Variants in NFAT5 observed in about 807,000 individuals in gnomAD.
The protein encoded by NFAT5 is nuclear factor of activated T-cells 5.
Under a neutral mutation model 166.5 loss-of-function variants are expected in NFAT5, and 31 were observed. That is an observed-to-expected ratio of 0.19 (90% CI 0.14 to 0.25). The LOEUF (loss-of-function observed/expected upper bound fraction) is 0.25, where lower values mean the gene tolerates loss of function less well. Ranked by LOEUF, NFAT5 falls within the 10% of genes least tolerant of loss-of-function variation. NFAT5 has a pLI of 1.00. For missense variants in NFAT5, 1,449 were observed against 1,821.8 expected (o/e 0.80, Z 3.72); for synonymous variants, 612 against 639.7 (o/e 0.96, Z 0.65).
intron 10 of NFAT5, among the ~76,000 whole-genome samples, chr16:69,684,669 A>T (rs930951508): frequency 1.3e-5 from 2 of 152,128 alleles, no homozygotes; most frequent in Admixed American, 1.3e-4. Context: ...GACGTGAGCC[A>T]CTACACATGG....
intron 3 of NFAT5, among the ~76,000 whole-genome samples, chr16:69,632,954 A>G (rs1470671746): frequency 5.9e-5 from 9 of 152,190 alleles, no homozygotes; most frequent in African/African-American, 2.2e-4. Context: ...CTATCTTATT[A>G]TACTGAAATT....
chr16:69,679,475 C>T (rs1052563257), intron 10 of NFAT5, among the ~76,000 whole-genome samples: 3 of 151,752 alleles, frequency 2.0e-5, no homozygotes, highest in African/African-American at 7.3e-5. Flanking sequence ...ATTAGCCAGG[C>T]GTGGTGGTGG....
At chr16:69,601,197 T>C (rs2033113887) in intron 2 of NFAT5, among the ~76,000 whole-genome samples, 1 of 152,162 alleles carries the variant, frequency 6.6e-6, no homozygotes, top group Non-Finnish European at 1.5e-5. Flanking sequence ...TATCTAGATA[T>C]GACCACTGTT....
At chr16:69,657,202 C>A (rs1322370352) in intron 6 of NFAT5, among the ~76,000 whole-genome samples, 1 of 151,608 alleles carries the variant, frequency 6.6e-6, no homozygotes, top group Non-Finnish European at 1.5e-5. Flanking sequence ...ACGATCTCGG[C>A]TCACTGCAAC....
At chr16:69,600,347 GTAGT>G (rs752279219) in intron 2 of NFAT5, among the ~76,000 whole-genome samples, 1 of 152,120 alleles carries the variant, frequency 6.6e-6, no homozygotes, top group Admixed American at 6.6e-5. Context: ...AAGCCAAGTA[GTAGT>G]TGGTTGAGTA....
At chr16:69,635,519 G>A (rs1212875548) in intron 3 of NFAT5, among the ~76,000 whole-genome samples, 1 of 152,024 alleles carries the variant, frequency 6.6e-6, no homozygotes, top group East Asian at 1.9e-4. Flanking sequence ...GTGGGAATCT[G>A]CATTGGTCTG....
At chr16:69,605,558 T>C (rs2151547343) in intron 2 of NFAT5, among the ~76,000 whole-genome samples, 1 of 152,336 alleles carries the variant, frequency 6.6e-6, no homozygotes, top group South Asian at 2.1e-4. Flanking sequence ...AACTTTTGGT[T>C]TTTGAGAAAC....
At chr16:69,689,809 T>C (rs2037478488) in intron 11 of NFAT5, among the ~76,000 whole-genome samples, 1 of 152,176 alleles carries the variant, frequency 6.6e-6, no homozygotes, top group Non-Finnish European at 1.5e-5. Flanking sequence ...CCTCCCAAAG[T>C]GCTGGGATTG....
intron 11 of NFAT5, among the ~76,000 whole-genome samples, chr16:69,688,208 A>AAAAAAC (rs1567609280): frequency 2.1e-4 from 21 of 100,288 alleles, no homozygotes; most frequent in South Asian, 1.1e-3. Flanking sequence ...GTCTCAAAAA[A>AAAAAAC]AAAAAAAAAA....
chr16:69,592,756 G>A (rs139437494), intron 2 of NFAT5, among the ~76,000 whole-genome samples: 5 of 152,134 alleles, frequency 3.3e-5, no homozygotes, highest in African/African-American at 1.2e-4. Flanking sequence ...AAATATATTG[G>A]TACTTGTTTA....
Position 69,650,637 on chromosome 16 carries a change from T to G in NFAT5, c.813-2599T>G, listed in dbSNP as rs569408314. On this transcript the variant is annotated intron_variant, in intron 4 of 14. Transcript: ENST00000349945. ...ATAAAAACATGTCTTGCCAAGTTAA[T>G]CGATATGCTCTATGAATTTTCCTTG... Among the ~76,000 whole-genome samples, 432 of 152,260 alleles carry G rather than the reference T, an allele frequency of 2.8e-3. 1 individual carries two copies. Among genetic ancestry groups the G allele is most frequent in the Middle Eastern group, 0.01 (3 of 294 alleles).
At chr16:69,615,926 A>T (rs369660430) in intron 2 of NFAT5, among the ~76,000 whole-genome samples, 2 of 152,050 alleles carry the variant, frequency 1.3e-5, no homozygotes, top group East Asian at 1.9e-4. Context: ...CTCTCCTGTG[A>T]ATACCCTCCA....
chr16:69,635,570 A>G (rs2034927974), intron 3 of NFAT5, among the ~76,000 whole-genome samples: 2 of 151,998 alleles, frequency 1.3e-5, no homozygotes, highest in South Asian at 2.1e-4. Context: ...GACTAGAAAG[A>G]AAAAAAGGTT....
intron 10 of NFAT5, among the ~76,000 whole-genome samples, chr16:69,678,425 G>A (rs979630086): frequency 7.9e-5 from 12 of 152,030 alleles, no homozygotes; most frequent in African/African-American, 2.9e-4. Context: ...ATGTTAGCCA[G>A]GCTGGTCTCA....
At chr16:69,577,097 G>T (rs1285818004) in intron 2 of NFAT5, among the ~76,000 whole-genome samples, 1 of 152,130 alleles carries the variant, frequency 6.6e-6, no homozygotes, top group Admixed American at 6.6e-5. Flanking sequence ...GGTTCTTTCT[G>T]CTTTGTCTTT....
chr16:69,571,522 A>C (rs559617328), intron 2 of NFAT5, among the ~76,000 whole-genome samples: 1 of 152,020 alleles, frequency 6.6e-6, no homozygotes, highest in African/African-American at 2.4e-5. Flanking sequence ...CTAACTCCCA[A>C]TGGTATATAC....
chr16:69,680,473 C>A (rs1314424034), intron 10 of NFAT5, among the ~76,000 whole-genome samples: 1 of 152,072 alleles, frequency 6.6e-6, no homozygotes, highest in Non-Finnish European at 1.5e-5. Flanking sequence ...TAGAAATTGG[C>A]CTTTGATAAA....
intron 4 of NFAT5, among the ~76,000 whole-genome samples, chr16:69,651,999 GTTT>G (rs1179019612): frequency 6.6e-6 from 1 of 152,012 alleles, no homozygotes; most frequent in Non-Finnish European, 1.5e-5. Context: ...TAACAATATT[GTTT>G]TTACTTGTTT....
intron 2 of NFAT5, 64 bp from the exon 3 acceptor site, chr16:69,626,339 A>G (rs575850506): frequency 2.8e-6 from 4 of 1,430,412 alleles, no homozygotes; most frequent in South Asian, 2.8e-5. Flanking sequence ...CATTTTGTGC[A>G]TATTAGATTG....
Sources: gnomAD v4.1 joint callset for allele counts (sites outside exome capture counted in the v4.1 genomes callset) on GRCh38, gnomAD v4.1.1 for gene constraint, MANE v1.5 for transcripts, NCBI Gene and HGNC (gene_info 2026-07-23, HGNC 2026-07-21) for gene names.